Variants in ERBB2 observed in about 807,000 individuals in gnomAD.
The protein encoded by ERBB2 is erb-b2 receptor tyrosine kinase 2.
Under a neutral mutation model 149.0 loss-of-function variants are expected in ERBB2, and 61 were observed. The observed-to-expected ratio is 0.41, with a 90% confidence interval of 0.33 to 0.51. The LOEUF is 0.51. Among genes scored for constraint, ERBB2 ranks in the 20% least tolerant of loss-of-function variants. The pLI is 0.25. For synonymous variants in ERBB2, 633 were observed against 678.8 expected (o/e 0.93, Z 1.05); for missense variants, 1,205 against 1,655.1 (o/e 0.73, Z 4.72).
rs926640472 is a variant in ERBB2 at position 39,727,841 on chromosome 17, G to T, written c.3565G>T (p.Gly1189Cys). Residue 1189 changes from glycine (G) to cysteine (C), a missense_variant, in exon 27 of 27, where the codon GGT (glycine) becomes TGT (cysteine). Physicochemically the swap from Gly to Cys is radical, Grantham distance 159. This residue lies in a region of ERBB2 where 312 missense variants were observed against 343.8 expected (regional missense o/e 0.91). Transcript: ENST00000269571. This position sits in a 1 kb window ranked among gnomAD's most constrained non-coding sequence, Gnocchi z 4.3. ...GVVKDVFAFG[G>C]AVENPEYLTP... The stretch of plus-strand genomic sequence containing the variant: ...CGTCAAAGACGTTTTTGCCTTTGGG[G>T]GTGCCGTGGAGAACCCCGAGTACTT... 6.2e-7 allele frequency: 1 copy of T among 1,613,998 alleles called. No individual in the cohort carries two copies. Among genetic ancestry groups the T allele is most frequent in the Non-Finnish European group, 8.5e-7 (1 of 1,179,928 alleles).
At chr17:39,722,142 T>G (rs1048732636) in intron 16 of ERBB2, among the ~76,000 whole-genome samples, 1 of 152,068 alleles carries the variant, frequency 6.6e-6, no homozygotes, top group Non-Finnish European at 1.5e-5. Context: ...GGTCTCGAAC[T>G]CGAGAGCTCA....
chr17:39,706,845 G>T, intron 1 of ERBB2, 145 bp from the exon 2 acceptor site: 1 of 681,812 alleles, frequency 1.5e-6, no homozygotes, highest in Non-Finnish European at 2.2e-6. Flanking sequence ...AACCTGCAGT[G>T]TGCAAGGGAC....
chr17:39,706,200 C>T (rs1222352439), intron 1 of ERBB2, among the ~76,000 whole-genome samples: 1 of 152,210 alleles, frequency 6.6e-6, no homozygotes, highest in Non-Finnish European at 1.5e-5. Flanking sequence ...GCAGGGCTGA[C>T]GTAGTGCCTT....
rs564064363 is a variant in ERBB2, at chr17:39,706,998, G to C, written c.82G>C (p.Gly28Arg). 1 of 1,582,304 alleles carries C rather than the reference G, an allele frequency of 6.3e-7. No individual in the cohort carries two copies. The highest frequency in any genetic ancestry group is 8.6e-7 in the Non-Finnish European group (1 of 1,163,498). Residue 28 changes from glycine to arginine, a missense_variant, in exon 2 of 27, where the codon GGC (glycine) becomes CGC (arginine). By Grantham distance (125) the Gly-to-Arg change is moderately radical. Coordinates refer to ENST00000269571, the MANE Select transcript of ERBB2 (RefSeq NM_004448.4). ...PGAASTQVCT[G>R]TDMKLRLPAS... ...CTGCTCTCTCCTGCCAGTGTGCACC[G>C]GCACAGACATGAAGCTGCGGCTCCC...
At chr17:39,699,565 C>T, upstream of ERBB2, 1 of 1,533,636 alleles carries the variant, frequency 6.5e-7, no homozygotes, top group Non-Finnish European at 8.7e-7. Context: ...AAGATATGCC[C>T]CGGGGGTCCT....
chr17:39,717,528 G>A (rs2145715486), intron 15 of ERBB2, 48 bp downstream of exon 15: 1 of 1,512,824 alleles, frequency 6.6e-7, no homozygotes, highest in South Asian at 1.2e-5. Context: ...TCCTTTCAGG[G>A]GTCTTTCTGG....
chr17:39,723,645 T>C lies in ERBB2; in HGVS notation c.2193T>C (p.Phe731=). 1.2e-6 allele frequency: 2 copies of C among 1,604,054 alleles called. No homozygotes were observed. The highest frequency in any genetic ancestry group is 1.7e-6 in the Non-Finnish European group (2 of 1,175,326). ...RKVKVLGSGA[F]GTVYKGIWIP... ...TGAAGGTGCTTGGATCTGGCGCTTTTGGCACAGTCTACAAGGTCAGGGCCA... is the reference window on the plus strand; with the variant it reads ...TGAAGGTGCTTGGATCTGGCGCTTTCGGCACAGTCTACAAGGTCAGGGCCA... The change falls in exon 18 of 27, where the codon TTT becomes TTC. Residue 731 remains phenylalanine, a synonymous_variant. Coordinates refer to ENST00000269571, the MANE Select transcript of ERBB2 (RefSeq NM_004448.4). The surrounding 1 kb of genome is among the most constrained non-coding windows in gnomAD (Gnocchi z 6.2).
upstream of ERBB2, chr17:39,699,988 A>C: frequency 7.9e-7 from 1 of 1,265,774 alleles, no homozygotes. Flanking sequence ...GCTTGCTCCC[A>C]ATCACAGGAG....
rs2059570252 is a variant in ERBB2, at chr17:39,723,656, A to C, written c.2204A>C (p.Tyr735Ser). The change falls in exon 18 of 27, where the codon TAC becomes TCC. Residue 735 changes from tyrosine to serine, a missense_variant. Transcript: ENST00000269571. The surrounding 1 kb of genome is among the most constrained non-coding windows in gnomAD (Gnocchi z 6.2). ...GGATCTGGCGCTTTTGGCACAGTCT[A>C]CAAGGTCAGGGCCAGGTCCTGGGGT... ...VLGSGAFGTV[Y>S]KGIWIPDGEN... 1 of 1,602,282 alleles carries C rather than the reference A, an allele frequency of 6.2e-7. No homozygotes were observed. Among genetic ancestry groups the C allele is most frequent in the Non-Finnish European group, 8.5e-7 (1 of 1,174,486 alleles).
In ERBB2 at chr17:39,715,713, G is replaced by C. The variant is rs764894880; in HGVS notation, c.1314-27G>C. 1.8e-5 allele frequency: 29 copies of C among 1,604,046 alleles called. No individual in the cohort carries two copies. The East Asian group carries it at 6.2e-4, about 35-fold the overall frequency. On this transcript the variant is annotated intron_variant, in intron 11 of 26. Coordinates refer to ENST00000269571, the MANE Select transcript of ERBB2 (RefSeq NM_004448.4). Reference sequence around the variant, plus strand: ...CTTTGCTGACCGGGAAGGGGTCCGTGGTAAGGTGCCCACCTTTCTCCCATA... The same window carrying C: ...CTTTGCTGACCGGGAAGGGGTCCGTCGTAAGGTGCCCACCTTTCTCCCATA...
chr17:39,712,225 TG>T, intron 8 of ERBB2, 96 bp from the exon 9 acceptor site: 4 of 1,555,216 alleles, frequency 2.6e-6, no homozygotes, highest in Non-Finnish European at 2.6e-6. Flanking sequence ...CCTGTCAGTG[TG>T]GGGAGGGGCC....
rs4252650 is a variant in ERBB2, at chr17:39,725,953, C to T, written c.2872+100C>T. 269 of 1,285,646 alleles carry T rather than the reference C, an allele frequency of 2.1e-4. No individual in the cohort carries two copies. The African/African-American group carries it at 3.7e-3, about 18-fold the overall frequency. 79.6% of individuals were successfully genotyped at this position (1,285,646 alleles called of 1,614,324 possible). A position where few individuals can be genotyped will look rare whatever the true frequency, so the allele number is the denominator to read the frequency against. ...AAAGGGGACCAGGATGTATGTAGACCCAGGAGCCCTAGTATGTTAGGAGCC... is the reference window on the plus strand; with the variant it reads ...AAAGGGGACCAGGATGTATGTAGACTCAGGAGCCCTAGTATGTTAGGAGCC... On this transcript the variant is annotated intron_variant, in intron 23 of 26. Coordinates refer to ENST00000269571, the MANE Select transcript of ERBB2 (RefSeq NM_004448.4). The surrounding 1 kb of genome is among the most constrained non-coding windows in gnomAD (Gnocchi z 4.6).
At chr17:39,696,204 A>G (rs1407542796), upstream of ERBB2, among the ~76,000 whole-genome samples, 1 of 152,004 alleles carries the variant, frequency 6.6e-6, no homozygotes, top group Admixed American at 6.6e-5. Context: ...CAGACACCAG[A>G]CGAGGTTTTT....
In ERBB2 at chr17:39,707,139, C is replaced by T. The variant is rs1449036371; in HGVS notation, c.223C>T (p.Gln75Ter). The part of the protein sequence containing the change: ...LPTNASLSFL[Q>*]DIQEVQGYVL... ...CACCAATGCCAGCCTGTCCTTCCTGCAGGTGAGGCCCGTGGGCAACCCAGC... is the reference window on the plus strand; with the variant it reads ...CACCAATGCCAGCCTGTCCTTCCTGTAGGTGAGGCCCGTGGGCAACCCAGC... Residue 75 changes from glutamine (Q) to a stop codon, truncating the protein, a stop_gained and splice_region_variant, in exon 2 of 27, where the codon CAG (glutamine) becomes TAG (stop). Coordinates refer to ENST00000269571, the MANE Select transcript of ERBB2 (RefSeq NM_004448.4). LOFTEE classifies it high-confidence loss of function. 2 of 1,567,140 alleles carry T rather than the reference C, an allele frequency of 1.3e-6. No homozygotes were observed. The highest frequency in any genetic ancestry group is 8.7e-7 in the Non-Finnish European group (1 of 1,154,220).
At chr17:39,712,297 T>TACCCCCCCC in intron 8 of ERBB2, 25 bp from the exon 9 acceptor site, 4 of 1,610,832 alleles carry the variant, frequency 2.5e-6, no homozygotes, top group Non-Finnish European at 3.4e-6. Context: ...GACGGCCCCT[T>TACCCCCCCC]CCCCACCCAC....
At chr17:39,691,018 A>G (rs1448090878), upstream of ERBB2, among the ~76,000 whole-genome samples, 1 of 151,098 alleles carries the variant, frequency 6.6e-6, no homozygotes, top group Non-Finnish European at 1.5e-5. Context: ...CCTGGGCAAC[A>G]AGAGCAAAAC....
At chr17:39,711,566 C>A (rs1390139151) in intron 7 of ERBB2, among the ~76,000 whole-genome samples, 1 of 152,198 alleles carries the variant, frequency 6.6e-6, no homozygotes, top group Non-Finnish European at 1.5e-5. Flanking sequence ...TGGGGAACCT[C>A]TTTCCTCCTC....
intron 7 of ERBB2, 144 bp from the exon 8 acceptor site, chr17:39,711,784 G>T: frequency 1.1e-6 from 1 of 946,302 alleles, no homozygotes; most frequent in South Asian, 1.5e-5. Flanking sequence ...GTTGTGAGGG[G>T]TAAATGGATG....
Position 39,727,127 on chromosome 17 carries a change from A to G in ERBB2, c.3159+124A>G, listed in dbSNP as rs1036271544. ...TCAAGGAAACCCCATTATCCCTACA[A>G]AAAATTCTTACTGCCTTCCAACCCC... On this transcript the variant is annotated intron_variant, in intron 25 of 26. Transcript: ENST00000269571. The surrounding 1 kb of genome is among the most constrained non-coding windows in gnomAD (Gnocchi z 4.3). The G allele has an allele frequency of 8.0e-7, 1 of 1,242,816 alleles. No individual in the cohort carries two copies. The highest frequency in any genetic ancestry group is 1.1e-6 in the Non-Finnish European group (1 of 892,534). 77.0% of individuals were successfully genotyped at this position (1,242,816 alleles called of 1,614,324 possible). A position where few individuals can be genotyped will look rare whatever the true frequency, so the allele number is the denominator to read the frequency against.
Sources: gnomAD v4.1 joint callset for allele counts (sites outside exome capture counted in the v4.1 genomes callset) on GRCh38, gnomAD v4.1.1 for gene constraint, gnomAD v4.1.1 regional missense constraint, Gnocchi (gnomAD v3.1) non-coding constraint, MANE v1.5 for transcripts, NCBI Gene and HGNC (gene_info 2026-07-23, HGNC 2026-07-21) for gene names.